Variants in PNPLA1 observed in about 807,000 individuals in gnomAD.
PNPLA1 encodes patatin like domain 1, omega-hydroxyceramide transacylase.
Under a neutral mutation model 51.7 loss-of-function variants are expected in PNPLA1, and 36 were observed. The ratio of observed to expected loss-of-function variants is 0.70; its 90% CI spans 0.53 to 0.92. The LOEUF is 0.92. Among genes scored for constraint, PNPLA1 ranks in the 40% least tolerant of loss-of-function variants. PNPLA1 has a pLI of 0.00. For synonymous variants in PNPLA1, 293 were observed against 280.1 expected (o/e 1.05, Z -0.46); for missense variants, 658 against 682.5 (o/e 0.96, Z 0.40).
chr6:36,300,351 C>A (rs1328087374), intron 5 of PNPLA1, among the ~76,000 whole-genome samples: 1 of 152,048 alleles, frequency 6.6e-6, no homozygotes, highest in East Asian at 1.9e-4. Context: ...CATGCCACTA[C>A]CCCCGGCTAA....
chr6:36,277,377 G>A (rs1401603882), intron 1 of PNPLA1, among the ~76,000 whole-genome samples: 2 of 152,208 alleles, frequency 1.3e-5, no homozygotes, highest in Non-Finnish European at 2.9e-5. Flanking sequence ...GACTGCAAGA[G>A]AACCCAGGAA....
intron 5 of PNPLA1, among the ~76,000 whole-genome samples, chr6:36,298,192 T>C (rs1770918556): frequency 1.3e-5 from 2 of 152,110 alleles, no homozygotes; most frequent in Admixed American, 1.3e-4. Context: ...ACCAAAAGAG[T>C]TGAATATACC....
chr6:36,306,441 A>C, intron 7 of PNPLA1, 65 bp downstream of exon 7: 1 of 1,423,988 alleles, frequency 7.0e-7, no homozygotes. Flanking sequence ...CGGCTAAGCG[A>C]TATCTTCCAC....
At chr6:36,295,803 T>C (rs1483173296) in intron 5 of PNPLA1, among the ~76,000 whole-genome samples, 1 of 152,212 alleles carries the variant, frequency 6.6e-6, no homozygotes, top group African/African-American at 2.4e-5. Context: ...AAAATCACAT[T>C]ATTAATGTAG....
upstream of PNPLA1, among the ~76,000 whole-genome samples, chr6:36,269,814 CAAAT>C (rs1193461295): frequency 3.9e-5 from 6 of 152,120 alleles, no homozygotes; most frequent in Non-Finnish European, 7.4e-5. Flanking sequence ...GTAAGAAAAA[CAAAT>C]AAAAATGCTT....
At chr6:36,310,281 C>G (rs2127357708) in intron 8 of PNPLA1, among the ~76,000 whole-genome samples, 2 of 152,326 alleles carry the variant, frequency 1.3e-5, no homozygotes, top group South Asian at 4.1e-4. Context: ...TCTCCTGGAG[C>G]TTGGGTGGGT....
chr6:36,243,802 T>C (rs1369417755), intron 1 of PNPLA1, among the ~76,000 whole-genome samples: 1 of 152,096 alleles, frequency 6.6e-6, no homozygotes, highest in East Asian at 1.9e-4. Context: ...GGGAATTGCA[T>C]GGGAAAGGAA....
intron 1 of PNPLA1, among the ~76,000 whole-genome samples, chr6:36,282,072 A>AGAAC (rs1770306968): frequency 7.7e-6 from 1 of 129,520 alleles, no homozygotes; most frequent in Non-Finnish European, 1.6e-5. Context: ...AAAGAAAGAA[A>AGAAC]GAAAGAAAGA....
chr6:36,288,440 CCTA>C (rs1770570362), intron 1 of PNPLA1, among the ~76,000 whole-genome samples: 1 of 127,312 alleles, frequency 7.9e-6, no homozygotes, highest in African/African-American at 2.9e-5. Context: ...ATAAGGAGAC[CCTA>C]TTTTTTTTTT....
chr6:36,289,458 C>A lies in PNPLA1; in HGVS notation c.206-1862C>A, dbSNP rs144892694. On this transcript the variant is annotated intron_variant, in intron 1 of 8. Transcript: ENST00000636260. ...CTCCCTTGAAGGTAAACACTGTTTA[C>A]CTCTGTTGGCACATGGTAAGGCTAA... Among the ~76,000 whole-genome samples, 307 of 152,282 alleles carry A rather than the reference C, an allele frequency of 2.0e-3. 1 individual carries two copies. Among genetic ancestry groups the A allele is most frequent in the African/African-American group, 7.0e-3 (289 of 41,540 alleles).
At chr6:36,249,501 G>T (rs9380560) in intron 1 of PNPLA1, among the ~76,000 whole-genome samples, 4,657 of 152,288 alleles carry the variant, frequency 0.031, 508 homozygotes, top group East Asian at 0.3. Context: ...AACAGAGGAT[G>T]CCCAGTGTGG....
At chr6:36,285,062 T>C (rs1004632) in intron 1 of PNPLA1, among the ~76,000 whole-genome samples, 95,081 of 152,030 alleles carry the variant, frequency 0.63, 29,764 homozygotes, top group Middle Eastern at 0.7. Context: ...GGAAAGCCTG[T>C]TTAGGGAAAC....
intron 1 of PNPLA1, among the ~76,000 whole-genome samples, chr6:36,285,499 T>A (rs543711987): frequency 6.6e-6 from 1 of 152,342 alleles, no homozygotes; most frequent in East Asian, 1.9e-4. Context: ...TCTATGATTT[T>A]TCATTTCGCA....
At chr6:36,266,240 T>C (rs1305189163), upstream of PNPLA1, among the ~76,000 whole-genome samples, 1 of 152,196 alleles carries the variant, frequency 6.6e-6, no homozygotes, top group African/African-American at 2.4e-5. Flanking sequence ...GAGAACCACC[T>C]GCTAAGCCAC....
intron 1 of PNPLA1, among the ~76,000 whole-genome samples, chr6:36,272,467 C>T (rs1384861810): frequency 2.0e-5 from 3 of 152,196 alleles, no homozygotes; most frequent in African/African-American, 7.2e-5. Flanking sequence ...AGGCCACAGA[C>T]CCGGGGCCAT....
Position 36,247,186 on chromosome 6 carries a change from C to T in PNPLA1, c.-81+3925C>T, listed in dbSNP as rs146942233. Among the ~76,000 whole-genome samples the T allele has an allele frequency of 2.5e-3, 386 of 152,230 alleles. 3 individuals are homozygous for T. Among genetic ancestry groups the T allele is most frequent in the African/African-American group, 8.4e-3 (347 of 41,522 alleles). On this transcript the variant is annotated intron_variant, in intron 1 of 7. Coordinates refer to the PNPLA1 transcript ENST00000312917. ...GAGAAGCCACTGTCAAACCTCTTTC[C>T]GGCTCGTGCCTTGGAGCCATCGCCC...
chr6:36,274,165 G>C (rs1285089646), intron 1 of PNPLA1, among the ~76,000 whole-genome samples: 1 of 152,176 alleles, frequency 6.6e-6, no homozygotes, highest in Non-Finnish European at 1.5e-5. Flanking sequence ...GGTGAAAACT[G>C]TTATTATCCC....
chr6:36,250,892 C>T (rs541816475), intron 1 of PNPLA1, among the ~76,000 whole-genome samples: 58 of 152,238 alleles, frequency 3.8e-4, no homozygotes, highest in Non-Finnish European at 7.9e-4. Flanking sequence ...TTAGTAGAGC[C>T]GGGGTTTCAC....
intron 1 of PNPLA1, among the ~76,000 whole-genome samples, chr6:36,264,485 A>G (rs921227868): frequency 1.3e-5 from 2 of 152,226 alleles, no homozygotes; most frequent in Non-Finnish European, 2.9e-5. Context: ...TATATTGTTT[A>G]TGAAACATAT....
Sources: allele counts gnomAD v4.1 joint callset (sites outside exome capture counted in the v4.1 genomes callset), GRCh38; gene constraint gnomAD v4.1.1; transcripts MANE v1.5; gene names NCBI Gene and HGNC (gene_info 2026-07-23, HGNC 2026-07-21).